Variants in ZSCAN2 observed in about 807,000 individuals in gnomAD.
The protein encoded by ZSCAN2 is zinc finger and SCAN domain containing 2.
ZSCAN2 carries 26 observed loss-of-function variants against 47.8 expected under a neutral mutation model. That is an observed-to-expected ratio of 0.54 (90% CI 0.40 to 0.75). The LOEUF is 0.75. ZSCAN2 is among the 30% of genes least tolerant of loss of function. The pLI is 0.00. For synonymous variants in ZSCAN2, 305 were observed against 288.7 expected (o/e 1.06, Z -0.57); for missense variants, 732 against 785.4 (o/e 0.93, Z 0.81).
At chr15:84,609,466 G>A (rs530813006) in intron 2 of ZSCAN2, among the ~76,000 whole-genome samples, 1 of 152,164 alleles carries the variant, frequency 6.6e-6, no homozygotes, top group South Asian at 2.1e-4. Context: ...GCGATAACAG[G>A]AATGAGCCAC....
intron 2 of ZSCAN2, 106 bp downstream of exon 2, chr15:84,604,439 C>T: frequency 7.3e-7 from 1 of 1,376,812 alleles, no homozygotes; most frequent in Non-Finnish European, 9.8e-7. Context: ...GAGTGGGGGG[C>T]TAGCGCCATC....
intron 2 of ZSCAN2, among the ~76,000 whole-genome samples, chr15:84,617,296 C>T (rs1596035996): frequency 6.6e-6 from 1 of 151,790 alleles, no homozygotes; most frequent in Non-Finnish European, 1.5e-5. Flanking sequence ...ATTAGCCAGG[C>T]GTGTTGGCGT....
At chr15:84,603,164 T>G (rs1255887756) in intron 1 of ZSCAN2, among the ~76,000 whole-genome samples, 1 of 152,064 alleles carries the variant, frequency 6.6e-6, no homozygotes, top group Non-Finnish European at 1.5e-5. Flanking sequence ...AACAGAAACA[T>G]GAGTGTTATT....
At chr15:84,616,558 C>T in intron 2 of ZSCAN2, 1 of 1,294,376 alleles carries the variant, frequency 7.7e-7, no homozygotes, top group Non-Finnish European at 9.8e-7. Flanking sequence ...TATTTTGGTG[C>T]CTACATATTT....
At chr15:84,610,235 A>G (rs1377385514) in intron 2 of ZSCAN2, among the ~76,000 whole-genome samples, 1 of 152,204 alleles carries the variant, frequency 6.6e-6, no homozygotes, top group Non-Finnish European at 1.5e-5. Context: ...GCAGCTTACA[A>G]AGAAATAGAT....
intron 2 of ZSCAN2, among the ~76,000 whole-genome samples, chr15:84,615,715 A>G (rs1452373107): frequency 2.0e-5 from 3 of 151,950 alleles, no homozygotes; most frequent in African/African-American, 4.8e-5. Flanking sequence ...TCTTTTTCCC[A>G]TTCTTGGAAT....
At chr15:84,606,879 C>T (rs1895398624) in intron 2 of ZSCAN2, 1 of 1,137,484 alleles carries the variant, frequency 8.8e-7, no homozygotes, top group Non-Finnish European at 1.1e-6. Context: ...CCCGACCTTC[C>T]TCATGATTGC....
Position 84,621,901 on chromosome 15 carries a change from G to A in ZSCAN2, c.1706G>A (p.Trp569Ter), listed in dbSNP as rs895480065. 6.2e-7 allele frequency: 1 copy of A among 1,614,094 alleles called. No homozygotes were observed. The highest frequency in any genetic ancestry group is 1.6e-4 in the Middle Eastern group (1 of 6,062). ...RCPECGKGFS[W>*]NSVLIIHQRI... ...CCTGAGTGTGGGAAAGGCTTTAGCT[G>A]GAACTCAGTCCTCATTATACATCAG... The change falls in exon 3 of 3, where the codon TGG (tryptophan) becomes TAG (stop). Residue 569 changes from tryptophan to a stop codon, truncating the protein, a stop_gained. Coordinates refer to ENST00000546148, the MANE Select transcript of ZSCAN2 (RefSeq NM_181877.4). LOFTEE classifies it high-confidence loss of function. This position sits in a 1 kb window ranked among gnomAD's most constrained non-coding sequence, Gnocchi z 5.7.
chr15:84,610,466 G>GTCTT (rs372891173), intron 2 of ZSCAN2, among the ~76,000 whole-genome samples: 71 of 127,576 alleles, frequency 5.6e-4, no homozygotes, highest in Middle Eastern at 3.8e-3. Flanking sequence ...CAAAACAGAA[G>GTCTT]TCTTTCTTTC....
At position 84,621,568 on chromosome 15, in the gene ZSCAN2, G is replaced by C. The variant is rs775171802; in HGVS notation, c.1373G>C (p.Ser458Thr). Residue 458 changes from serine to threonine, a missense_variant, in exon 3 of 3, where the codon AGC (serine) becomes ACC (threonine). Around this residue, in one of 2 missense-constraint regions of ZSCAN2, gnomAD observed 412 missense variants for 498.0 expected, o/e 0.83. Transcript: ENST00000546148. The surrounding 1 kb of genome is among the most constrained non-coding windows in gnomAD (Gnocchi z 5.7). ...CGVCGKSFSQ[S>T]SSLIAHQGMH... ...GTGTGTGGGAAGAGCTTCAGCCAGAGCTCCAGTCTGATTGCACACCAGGGC... is the reference window on the plus strand; with the variant it reads ...GTGTGTGGGAAGAGCTTCAGCCAGACCTCCAGTCTGATTGCACACCAGGGC... The C allele has an allele frequency of 5.0e-6, 8 of 1,614,116 alleles. No homozygotes were observed. Among genetic ancestry groups the C allele is most frequent in the Non-Finnish European group, 6.8e-6 (8 of 1,180,026 alleles).
At position 84,616,286 on chromosome 15, in the gene ZSCAN2, C is replaced by G. The variant is rs1305795783; in HGVS notation, c.407-4316C>G. On this transcript the variant is annotated intron_variant, in intron 2 of 2. Transcript: ENST00000546148. ...TGGATTAATGTGCGTGGGTCAAAGGCTCTTTCCTTCTCTGCTTTCCAGAAA... is the reference window on the plus strand; with the variant it reads ...TGGATTAATGTGCGTGGGTCAAAGGGTCTTTCCTTCTCTGCTTTCCAGAAA... 2.7e-6 allele frequency: 3 copies of G among 1,129,368 alleles called. No homozygotes were observed. In the Admixed American group the frequency reaches 5.1e-5, roughly 19 times the overall value. The allele number at this position is 1,129,368 out of a possible 1,614,324, so 70.0% of individuals were successfully genotyped here. A position where few individuals can be genotyped will look rare whatever the true frequency, so the allele number is the denominator to read the frequency against.
At chr15:84,616,934 C>G (rs896028638) in intron 2 of ZSCAN2, among the ~76,000 whole-genome samples, 1 of 152,068 alleles carries the variant, frequency 6.6e-6, no homozygotes, top group Non-Finnish European at 1.5e-5. Context: ...ACCTGCCTGA[C>G]CAACATGGAG....
Position 84,621,886 on chromosome 15 carries a change from G to T in ZSCAN2, c.1691G>T (p.Gly564Val), listed in dbSNP as rs770736380. The stretch of plus-strand genomic sequence containing the variant: ...AAGCCCTACAGGTGCCCTGAGTGTG[G>T]GAAAGGCTTTAGCTGGAACTCAGTC... ...GDKPYRCPEC[G>V]KGFSWNSVLI... The change falls in exon 3 of 3, where the codon GGG becomes GTG. Residue 564 changes from glycine to valine, a missense_variant. Gly to Val is a moderately radical substitution (Grantham distance 109, BLOSUM62 -3). Coordinates refer to ENST00000546148, the MANE Select transcript of ZSCAN2 (RefSeq NM_181877.4). This position sits in a 1 kb window ranked among gnomAD's most constrained non-coding sequence, Gnocchi z 5.7. The T allele has an allele frequency of 6.2e-7, 1 of 1,614,210 alleles. No individual in the cohort carries two copies. The highest frequency in any genetic ancestry group is 8.5e-7 in the Non-Finnish European group (1 of 1,180,032).
In ZSCAN2 at chr15:84,622,093, G is replaced by C. The variant is rs1895831154; in HGVS notation, c.*53G>C. 2.1e-6 allele frequency: 3 copies of C among 1,421,034 alleles called. No individual in the cohort carries two copies. The highest frequency in any genetic ancestry group is 2.9e-6 in the Non-Finnish European group (3 of 1,040,662). 88.0% of individuals were successfully genotyped at this position (1,421,034 alleles called of 1,614,324 possible). A position where few individuals can be genotyped will look rare whatever the true frequency, so the allele number is the denominator to read the frequency against. On this transcript the variant is annotated 3_prime_UTR_variant, in exon 3 of 3. Transcript: ENST00000546148. ...GGCCTGGAGTGGGAGTTGCCACACT[G>C]CCCCAACAGTGATTCCCTTTCAAAG...
intron 1 of ZSCAN2, among the ~76,000 whole-genome samples, chr15:84,601,358 C>T (rs929439740): frequency 1.3e-5 from 2 of 152,188 alleles, no homozygotes; most frequent in Non-Finnish European, 2.9e-5. Context: ...GCCTCTCCTA[C>T]CGAGAAGCGC....
intron 2 of ZSCAN2, among the ~76,000 whole-genome samples, chr15:84,613,050 A>C (rs989716640): frequency 6.6e-6 from 1 of 152,138 alleles, no homozygotes; most frequent in Non-Finnish European, 1.5e-5. Flanking sequence ...ATTTGAATTG[A>C]ATTTTTCCAG....
intron 2 of ZSCAN2, chr15:84,606,645 T>G: frequency 1.9e-6 from 3 of 1,601,982 alleles, no homozygotes; most frequent in Non-Finnish European, 2.6e-6. Context: ...AGGCCTCAGG[T>G]TGTTATTTGG....
intron 2 of ZSCAN2, among the ~76,000 whole-genome samples, chr15:84,610,517 C>G (rs1335074560): frequency 2.2e-5 from 3 of 133,988 alleles, no homozygotes; most frequent in Non-Finnish European, 3.1e-5. Context: ...GAGATGGAGT[C>G]TCACCCTGTC....
At position 84,623,384 on chromosome 15, in the gene ZSCAN2, A is replaced by T. The variant is rs769135059; in HGVS notation, c.*1344A>T. ...TGGGATTACAGGCGTGAGCCAGCGC[A>T]CCCGGCCAAGAACATTATTTTTAAA... On this transcript the variant is annotated 3_prime_UTR_variant, in exon 3 of 3. Transcript: ENST00000546148. 13 of 193,496 alleles carry T rather than the reference A, an allele frequency of 6.7e-5. No individual in the cohort carries two copies. The highest frequency in any genetic ancestry group is 1.5e-4 in the Non-Finnish European group (12 of 82,354). 12.0% of individuals were successfully genotyped at this position (193,496 alleles called of 1,614,324 possible). A position where few individuals can be genotyped will look rare whatever the true frequency, so the allele number is the denominator to read the frequency against.
Sources: gnomAD v4.1 joint callset for allele counts (sites outside exome capture counted in the v4.1 genomes callset) on GRCh38, gnomAD v4.1.1 for gene constraint, gnomAD v4.1.1 regional missense constraint, Gnocchi (gnomAD v3.1) non-coding constraint, MANE v1.5 for transcripts, NCBI Gene and HGNC (gene_info 2026-07-23, HGNC 2026-07-21) for gene names.